FTO: variants seen among roughly 807,000 people sequenced by gnomAD.
FTO encodes the protein alpha-ketoglutarate-dependent dioxygenase FTO.
In FTO, 47 loss-of-function variants were observed where a neutral mutation model predicts 63.9. The observed-to-expected ratio is 0.74, with a 90% CI of 0.58 to 0.94. The LOEUF (loss-of-function observed/expected upper bound fraction) is 0.94, where lower values mean the gene tolerates loss of function less well. Among genes scored for constraint, FTO ranks in the 40% least tolerant of loss-of-function variants. FTO has a pLI of 0.00. For synonymous variants in FTO, 207 were observed against 224.4 expected (o/e 0.92, Z 0.69); for missense variants, 562 against 618.1 (o/e 0.91, Z 0.96).
At chr16:53,766,518 G>C (rs1464947063) in intron 1 of FTO, among the ~76,000 whole-genome samples, 2 of 152,082 alleles carry the variant, frequency 1.3e-5, no homozygotes, top group Non-Finnish European at 2.9e-5. Context: ...CCTCTGCCCT[G>C]GCCTGAGCAA....
chr16:53,777,351 C>T (rs2077484884), intron 1 of FTO, among the ~76,000 whole-genome samples: 1 of 152,164 alleles, frequency 6.6e-6, no homozygotes, highest in Non-Finnish European at 1.5e-5. Context: ...ATTCAAGATT[C>T]ATCCATGTTG....
chr16:53,939,450 CAT>C (rs2082472014), intron 8 of FTO, among the ~76,000 whole-genome samples: 1 of 152,126 alleles, frequency 6.6e-6, no homozygotes, highest in Non-Finnish European at 1.5e-5. Context: ...AGGTACAAGT[CAT>C]ATATAACGTA....
intron 8 of FTO, among the ~76,000 whole-genome samples, chr16:53,940,348 G>C (rs2082498388): frequency 6.6e-6 from 1 of 152,168 alleles, no homozygotes; most frequent in Non-Finnish European, 1.5e-5. Flanking sequence ...AAAGAGCTCA[G>C]AAGCCTGTTA....
intron 8 of FTO, among the ~76,000 whole-genome samples, chr16:53,934,494 A>G (rs2082345535): frequency 6.6e-6 from 1 of 152,228 alleles, no homozygotes; most frequent in African/African-American, 2.4e-5. Context: ...CACTCTATGC[A>G]GGGCAGATTA....
chr16:54,016,445 G>T (rs904014240), intron 8 of FTO, among the ~76,000 whole-genome samples: 21 of 152,082 alleles, frequency 1.4e-4, no homozygotes, highest in African/African-American at 5.1e-4. Context: ...TTTGATTGCC[G>T]GTCTGAACTT....
At position 53,900,608 on chromosome 16, in the gene FTO, C is replaced by CTTTTTTTTTT. The variant is rs752080961; in HGVS notation, c.1239+11675_1239+11684dup. 7.4e-5 allele frequency among the ~76,000 whole-genome samples: 5 copies of CTTTTTTTTTT among 67,160 alleles called. 1 individual carries two copies. The highest frequency in any genetic ancestry group is 1.3e-4 in the African/African-American group (2 of 15,310). The allele number at this position is 67,160 out of a possible 152,430, so 44.1% of individuals were successfully genotyped here. ...CAGTCATTTAATCATTCATCTGCTCCTTTTTTTTTTTTTTTTTTTTTTTTT... is the reference window on the plus strand; with the variant it reads ...CAGTCATTTAATCATTCATCTGCTCCTTTTTTTTTTTTTTTTTTTTTTTTTTTTTTTTTTT... On this transcript the variant is annotated intron_variant, in intron 7 of 8. Transcript: ENST00000471389.
intron 8 of FTO, among the ~76,000 whole-genome samples, chr16:53,953,498 C>T (rs545408889): frequency 5.9e-4 from 90 of 152,266 alleles, no homozygotes; most frequent in African/African-American, 2.0e-3. Context: ...CAAACAGTAA[C>T]CATTTATAGT....
chr16:53,968,478 A>C (rs1168090149), intron 8 of FTO, among the ~76,000 whole-genome samples: 1 of 152,230 alleles, frequency 6.6e-6, no homozygotes, highest in Non-Finnish European at 1.5e-5. Context: ...GTAATGAAAT[A>C]CACCATCTAA....
intron 4 of FTO, among the ~76,000 whole-genome samples, chr16:53,855,292 C>G (rs780980933): frequency 2.0e-5 from 3 of 152,028 alleles, no homozygotes; most frequent in Non-Finnish European, 4.4e-5. Flanking sequence ...TTTCCTTTGC[C>G]TGGTTGCTCT....
chr16:53,710,886 A>T (rs970446533), intron 1 of FTO, among the ~76,000 whole-genome samples: 40 of 152,246 alleles, frequency 2.6e-4, no homozygotes, highest in Non-Finnish European at 5.6e-4. Context: ...CTTAAGTTAC[A>T]ATATAGTGGT....
At chr16:53,728,250 A>T (rs78664897) in intron 1 of FTO, among the ~76,000 whole-genome samples, 10 of 152,232 alleles carry the variant, frequency 6.6e-5, no homozygotes, top group Non-Finnish European at 1.5e-4. Context: ...TAAAAAAAAA[A>T]GTCAGAAGAC....
chr16:54,058,369 C>A (rs1449746264), intron 8 of FTO, among the ~76,000 whole-genome samples: 1 of 152,110 alleles, frequency 6.6e-6, no homozygotes, highest in Non-Finnish European at 1.5e-5. Context: ...GTGATTCACC[C>A]ACCTCAGCCT....
At chr16:53,784,620 T>G (rs2151667565) in intron 1 of FTO, among the ~76,000 whole-genome samples, 1 of 152,286 alleles carries the variant, frequency 6.6e-6, no homozygotes, top group Middle Eastern at 3.4e-3. Flanking sequence ...TAAGTTTAAG[T>G]GATTTCACAT....
chr16:53,819,381 A>G (rs9925400), intron 2 of FTO, among the ~76,000 whole-genome samples: 56,203 of 151,904 alleles, frequency 0.37, 10,632 homozygotes, highest in African/African-American at 0.41. Context: ...CTTGTTGCCC[A>G]GGCTAGTCTC....
chr16:53,760,205 G>GGGGT (rs2077023985), intron 1 of FTO, among the ~76,000 whole-genome samples: 3 of 125,594 alleles, frequency 2.4e-5, no homozygotes, highest in Non-Finnish European at 3.3e-5. Context: ...CTTCAGCTTT[G>GGGGT]GTGTGTGTGT....
chr16:53,756,008 A>G (rs1439732515), intron 1 of FTO, among the ~76,000 whole-genome samples: 1 of 152,244 alleles, frequency 6.6e-6, no homozygotes, highest in Non-Finnish European at 1.5e-5. Flanking sequence ...CTACACTTGC[A>G]GAAGATGAAA....
intron 7 of FTO, among the ~76,000 whole-genome samples, chr16:53,898,654 T>G (rs545140267): frequency 2.6e-5 from 4 of 152,294 alleles, no homozygotes; most frequent in East Asian, 1.9e-4. Flanking sequence ...TAGTCCTGCC[T>G]TTTCCTCCCA....
At chr16:53,833,899 G>C (rs919483380) in intron 3 of FTO, among the ~76,000 whole-genome samples, 11 of 151,972 alleles carry the variant, frequency 7.2e-5, no homozygotes, top group Admixed American at 1.3e-4. Context: ...TATTCAAGTT[G>C]TTTGCCCATT....
intron 3 of FTO, among the ~76,000 whole-genome samples, chr16:53,828,008 TCCC>T (rs2079054041): frequency 6.6e-6 from 1 of 152,204 alleles, no homozygotes; most frequent in African/African-American, 2.4e-5. Flanking sequence ...TGTACTCCCT[TCCC>T]GTGGGTGATC....
Sources: allele counts gnomAD v4.1 joint callset (sites outside exome capture counted in the v4.1 genomes callset), GRCh38; gene constraint gnomAD v4.1.1; transcripts MANE v1.5; gene names NCBI Gene and HGNC (gene_info 2026-07-23, HGNC 2026-07-21).